EIF4G3: variants seen among roughly 807,000 people sequenced by gnomAD.
EIF4G3 encodes the protein eukaryotic translation initiation factor 4 gamma 3.
EIF4G3 carries 34 observed loss-of-function variants against 186.4 expected under a neutral mutation model. That is an observed-to-expected ratio of 0.18 (90% CI 0.14 to 0.24). The LOEUF is 0.24. EIF4G3 is among the 10% of genes least tolerant of loss of function. The pLI is 1.00. For synonymous variants in EIF4G3, 673 were observed against 679.5 expected (o/e 0.99, Z 0.15); for missense variants, 1,536 against 1,948.5 (o/e 0.79, Z 3.99).
At chr1:20,818,492 A>G (rs1192669688) in intron 33 of EIF4G3, among the ~76,000 whole-genome samples, 1 of 152,092 alleles carries the variant, frequency 6.6e-6, no homozygotes, top group Non-Finnish European at 1.5e-5. Context: ...AAATACCAAA[A>G]TTAGCCAGGT....
At chr1:20,970,329 G>A (rs906796942) in intron 11 of EIF4G3, among the ~76,000 whole-genome samples, 2 of 152,042 alleles carry the variant, frequency 1.3e-5, no homozygotes, top group East Asian at 1.9e-4. Flanking sequence ...ATTATCATAC[G>A]TCGGCCAGGC....
chr1:21,173,829 G>A (rs890543769), intron 2 of EIF4G3, among the ~76,000 whole-genome samples: 1 of 152,194 alleles, frequency 6.6e-6, no homozygotes, highest in Non-Finnish European at 1.5e-5. Context: ...ATGCTTAAAT[G>A]TTATCCACTT....
intron 2 of EIF4G3, among the ~76,000 whole-genome samples, chr1:21,136,207 C>A (rs1372708197): frequency 6.9e-6 from 1 of 145,704 alleles, no homozygotes; most frequent in Non-Finnish European, 1.5e-5. Context: ...AAAGAACACA[C>A]TCCCTTGCCA....
chr1:21,025,102 CA>C (rs1557587588), intron 4 of EIF4G3, among the ~76,000 whole-genome samples: 1 of 152,032 alleles, frequency 6.6e-6, no homozygotes, highest in Non-Finnish European at 1.5e-5. Flanking sequence ...ATATTTTAAA[CA>C]GAAGCACAAA....
Position 21,023,963 on chromosome 1 carries a change from G to T in EIF4G3, c.-66-21155C>A, listed in dbSNP as rs796894020. 3.1e-5 allele frequency among the ~76,000 whole-genome samples: 2 copies of T among 64,762 alleles called. 1 individual carries two copies. Among genetic ancestry groups the T allele is most frequent in the South Asian group, 9.8e-4 (2 of 2,032 alleles). The allele number at this position is 64,762 out of a possible 152,430, so 42.5% of individuals were successfully genotyped here. A position where few individuals can be genotyped will look rare whatever the true frequency, so the allele number is the denominator to read the frequency against. The stretch of plus-strand genomic sequence containing the variant: ...TGCCCGGCCACGACCCCATCTGGGA[G>T]GTGAGGAGCGTCTCTGCCCGGCCGC... On this transcript the variant is annotated intron_variant, in intron 4 of 36. Transcript: ENST00000602326.
In EIF4G3 at chr1:21,157,959, T is replaced by C. The variant is rs561513697; in HGVS notation, c.-272+18216A>G. ...GGGAATAATGACTTTTCTCTCAAAA[T>C]ATTCCAAGAAAAATCAGAAAGAATA... On this transcript the variant is annotated intron_variant, in intron 2 of 36. Coordinates refer to ENST00000602326, the MANE Select transcript of EIF4G3 (RefSeq NM_001391906.1). Among the ~76,000 whole-genome samples, 7 of 152,216 alleles carry C rather than the reference T, an allele frequency of 4.6e-5. No individual in the cohort carries two copies. In the East Asian group the frequency reaches 9.6e-4, roughly 21 times the overall value.
At chr1:20,969,356 G>T in intron 12 of EIF4G3, 118 bp downstream of exon 12, 2 of 1,201,232 alleles carry the variant, frequency 1.7e-6, no homozygotes, top group Non-Finnish European at 2.3e-6. Context: ...TTAGATATTC[G>T]AGGCTGCGAG....
chr1:21,017,242 T>C (rs2154570465), intron 4 of EIF4G3, among the ~76,000 whole-genome samples: 1 of 152,272 alleles, frequency 6.6e-6, no homozygotes. Context: ...ATTCCACTTC[T>C]ATGAGGTACC....
intron 16 of EIF4G3, among the ~76,000 whole-genome samples, chr1:20,899,298 C>T (rs2089525489): frequency 6.6e-6 from 1 of 152,170 alleles, no homozygotes; most frequent in African/African-American, 2.4e-5. Flanking sequence ...AATTCAGTTC[C>T]ACAGAGTGAT....
intron 10 of EIF4G3, among the ~76,000 whole-genome samples, chr1:20,979,216 T>C (rs1013440235): frequency 3.0e-4 from 45 of 152,228 alleles, no homozygotes; most frequent in African/African-American, 9.6e-4. Flanking sequence ...TAGTTCAGCA[T>C]TGGCGCATAT....
intron 2 of EIF4G3, among the ~76,000 whole-genome samples, chr1:21,146,088 C>T (rs1573301647): frequency 6.6e-6 from 1 of 152,086 alleles, no homozygotes; most frequent in African/African-American, 2.4e-5. Context: ...CAGCAAGACC[C>T]TGTCTCCAAA....
chr1:20,927,351 A>G (rs959244346), intron 14 of EIF4G3, among the ~76,000 whole-genome samples: 3 of 152,232 alleles, frequency 2.0e-5, no homozygotes, highest in African/African-American at 7.2e-5. Context: ...AGGATGAAAT[A>G]ATGATAGTTT....
At chr1:20,824,897 T>G (rs2063223115) in intron 33 of EIF4G3, among the ~76,000 whole-genome samples, 1 of 152,150 alleles carries the variant, frequency 6.6e-6, no homozygotes, top group Non-Finnish European at 1.5e-5. Flanking sequence ...CTAAGTCTTT[T>G]ACATTTTCTT....
At chr1:20,913,797 A>G (rs1396465812) in intron 14 of EIF4G3, among the ~76,000 whole-genome samples, 1 of 138,910 alleles carries the variant, frequency 7.2e-6, no homozygotes, top group African/African-American at 2.6e-5. Context: ...GTCAATTATT[A>G]GAATTTTTTT....
chr1:20,881,510 G>A (rs545836463), intron 19 of EIF4G3, among the ~76,000 whole-genome samples: 1 of 152,316 alleles, frequency 6.6e-6, no homozygotes, highest in Admixed American at 6.5e-5. Context: ...AAACAGGCTA[G>A]GTATGGTGGC....
At chr1:20,934,432 G>A (rs1028964128) in intron 14 of EIF4G3, among the ~76,000 whole-genome samples, 6 of 152,054 alleles carry the variant, frequency 3.9e-5, no homozygotes, top group East Asian at 1.9e-4. Context: ...GAATACATAC[G>A]AGACTGTAAG....
chr1:21,074,943 G>A (rs567817196), intron 3 of EIF4G3, among the ~76,000 whole-genome samples: 74 of 152,146 alleles, frequency 4.9e-4, no homozygotes, highest in Non-Finnish European at 9.3e-4. Flanking sequence ...GGTGGTTACC[G>A]TAAGTGAAAA....
intron 2 of EIF4G3, among the ~76,000 whole-genome samples, chr1:21,155,270 AAAAAAAAAAAAAAAAAG>A (rs1226718048): frequency 6.8e-6 from 1 of 148,118 alleles, no homozygotes; most frequent in Non-Finnish European, 1.5e-5. Flanking sequence ...CTCAAAAAAA[AAAAAAAAAAAAAAAAAG>A]AAAGAAAGAA....
intron 13 of EIF4G3, 32 bp downstream of exon 13, chr1:20,949,971 G>A: frequency 6.4e-7 from 1 of 1,550,936 alleles, no homozygotes; most frequent in Non-Finnish European, 8.9e-7. Flanking sequence ...AGAGACTAAA[G>A]ATAAGAGGGA....
Sources: gnomAD v4.1 joint callset for allele counts (sites outside exome capture counted in the v4.1 genomes callset) on GRCh38, gnomAD v4.1.1 for gene constraint, MANE v1.5 for transcripts, NCBI Gene and HGNC (gene_info 2026-07-23, HGNC 2026-07-21) for gene names.